The following CACNB2 variants were observed in gnomAD, a reference collection of about 807,000 sequenced individuals.
CACNB2 encodes calcium voltage-gated channel auxiliary subunit beta 2, also known as voltage-dependent L-type calcium channel subunit beta-2.
A neutral mutation model predicts 73.3 loss-of-function variants in CACNB2; 42 were observed. The observed-to-expected ratio is 0.57, with a 90% CI of 0.45 to 0.74. The LOEUF (loss-of-function observed/expected upper bound fraction) is 0.74. Among genes scored for constraint, CACNB2 ranks in the 30% least tolerant of loss-of-function variants. The pLI is 0.00. For missense variants in CACNB2, 940 were observed against 853.0 expected, an observed-to-expected ratio of 1.10 and a Z score of -1.27; for synonymous variants, 348 against 310.3, an observed-to-expected ratio of 1.12 and a Z score of -1.28.
chr10:18,506,446 A>C, intron 5 of CACNB2, 25 bp from the exon 6 acceptor site: 1 of 1,353,696 alleles, frequency 7.4e-7, no homozygotes, highest in Non-Finnish European at 1.1e-6. Flanking sequence ...TGTCAGATTT[A>C]ATAGAAATTT....
intron 3 of CACNB2, among the ~76,000 whole-genome samples, chr10:18,493,701 G>A: frequency 6.6e-6 from 1 of 152,058 alleles, no homozygotes; most frequent in Middle Eastern, 3.2e-3. Context: ...CTAATAAATG[G>A]CAGAATCAAC....
intron 2 of CACNB2, 123 bp downstream of exon 2, chr10:18,151,098 G>A (rs1404412317): frequency 1.3e-5 from 10 of 741,216 alleles, no homozygotes; most frequent in South Asian, 1.1e-4. Flanking sequence ...TAATTGAAGT[G>A]AAGACGGTGC....
chr10:18,154,292 T>TAAA (rs559529942), intron 2 of CACNB2, among the ~76,000 whole-genome samples: 2 of 137,538 alleles, frequency 1.5e-5, no homozygotes, highest in African/African-American at 2.7e-5. Flanking sequence ...TTAAGAACTT[T>TAAA]AAAAAAAAAA....
chr10:18,403,699 AG>A (rs2044128958), intron 3 of CACNB2, among the ~76,000 whole-genome samples: 1 of 152,234 alleles, frequency 6.6e-6, no homozygotes. Flanking sequence ...AAATCAAACC[AG>A]GGTCGTGTTA....
At chr10:18,529,208 A>C (rs1025547934) in intron 10 of CACNB2, among the ~76,000 whole-genome samples, 1 of 152,252 alleles carries the variant, frequency 6.6e-6, no homozygotes, top group Admixed American at 6.5e-5. Flanking sequence ...CATCAGTGGA[A>C]TCAATTACAT....
intron 2 of CACNB2, among the ~76,000 whole-genome samples, chr10:18,388,554 T>A (rs995737278): frequency 8.5e-5 from 13 of 152,200 alleles, no homozygotes; most frequent in African/African-American, 3.1e-4. Flanking sequence ...CCTGTTTTTT[T>A]AATATTAAGT....
intron 2 of CACNB2, among the ~76,000 whole-genome samples, chr10:18,286,920 C>G (rs1427754139): frequency 6.6e-6 from 1 of 152,104 alleles, no homozygotes; most frequent in Non-Finnish European, 1.5e-5. Flanking sequence ...TTAATCGACC[C>G]CATAGGGTCC....
chr10:18,210,770 A>G (rs1369503513), intron 2 of CACNB2, among the ~76,000 whole-genome samples: 1 of 152,346 alleles, frequency 6.6e-6, no homozygotes, highest in East Asian at 1.9e-4. Context: ...CTGTCTCATC[A>G]TTGAGATCAA....
intron 2 of CACNB2, among the ~76,000 whole-genome samples, chr10:18,306,654 A>T (rs149908627): frequency 2.8e-4 from 43 of 152,304 alleles, no homozygotes; most frequent in South Asian, 2.1e-4. Context: ...AACCCCAGAG[A>T]AAATGTCTAA....
chr10:18,333,955 G>C (rs945253588), intron 2 of CACNB2, among the ~76,000 whole-genome samples: 1 of 152,098 alleles, frequency 6.6e-6, no homozygotes, highest in Non-Finnish European at 1.5e-5. Context: ...CTGTTTTAAA[G>C]TTTAAAACAA....
intron 5 of CACNB2, among the ~76,000 whole-genome samples, chr10:18,503,596 C>T (rs994463022): frequency 5.9e-5 from 9 of 151,666 alleles, no homozygotes; most frequent in Non-Finnish European, 2.9e-5. Flanking sequence ...AAAAAACAAA[C>T]AAAAAAAAGA....
chr10:18,417,360 C>CTTTTTTTTTTTTTTTTTTTTTTTTT (rs34847923), intron 3 of CACNB2, among the ~76,000 whole-genome samples: 2 of 87,014 alleles, frequency 2.3e-5, no homozygotes, highest in Non-Finnish European at 4.1e-5. Flanking sequence ...GCTAAAAATT[C>CTTTTTTTTTTTTTTTTTTTTTTTTT]TTTTTTTTTT....
intron 2 of CACNB2, among the ~76,000 whole-genome samples, chr10:18,351,047 A>G (rs1214875504): frequency 1.3e-5 from 2 of 152,200 alleles, no homozygotes; most frequent in Non-Finnish European, 2.9e-5. Flanking sequence ...TATGCCAGCT[A>G]CTTTTTGGAA....
At chr10:18,539,177 G>A in intron 13 of CACNB2, 53 bp from the exon 14 acceptor site, 2 of 1,612,326 alleles carry the variant, frequency 1.2e-6, no homozygotes, top group Non-Finnish European at 1.7e-6. Context: ...TCTGGGACAT[G>A]TTCTTTACAC....
chr10:18,468,058 T>C (rs2047992267), intron 3 of CACNB2, among the ~76,000 whole-genome samples: 1 of 152,166 alleles, frequency 6.6e-6, no homozygotes, highest in African/African-American at 2.4e-5. Context: ...TTAAAATTAG[T>C]AAACAGCATA....
intron 2 of CACNB2, among the ~76,000 whole-genome samples, chr10:18,163,379 G>T (rs368720823): frequency 6.6e-6 from 1 of 152,120 alleles, no homozygotes; most frequent in African/African-American, 2.4e-5. Flanking sequence ...TGTTTGTTGG[G>T]CAACAAGAGA....
chr10:18,402,195 T>A, intron 3 of CACNB2, 152 bp downstream of exon 3: 4 of 850,204 alleles, frequency 4.7e-6, no homozygotes, highest in Non-Finnish European at 7.7e-6. Flanking sequence ...CCTAGTTTCT[T>A]CCCTTGGTAG....
intron 2 of CACNB2, among the ~76,000 whole-genome samples, chr10:18,155,567 G>A (rs1333419885): frequency 6.6e-6 from 1 of 152,142 alleles, no homozygotes; most frequent in Non-Finnish European, 1.5e-5. Flanking sequence ...TTTTTGTTCA[G>A]TGAATAGAGT....
At chr10:18,310,948 A>G (rs1427176566) in intron 2 of CACNB2, among the ~76,000 whole-genome samples, 1 of 152,126 alleles carries the variant, frequency 6.6e-6, no homozygotes, top group African/African-American at 2.4e-5. Flanking sequence ...CATTCATTTT[A>G]TTAATTATGC....
Sources: gnomAD v4.1 joint callset for allele counts (sites outside exome capture counted in the v4.1 genomes callset) on GRCh38, gnomAD v4.1.1 for gene constraint, MANE v1.5 for transcripts, NCBI Gene and HGNC (gene_info 2026-07-23, HGNC 2026-07-21) for gene names.